MOB3B: variants seen among roughly 807,000 people sequenced by gnomAD.
MOB3B encodes the protein MOB kinase activator-like 2B.
Under a neutral mutation model 18.7 loss-of-function variants are expected in MOB3B, and 7 were observed. That is an observed-to-expected ratio of 0.37 (90% CI 0.21 to 0.70). The LOEUF is 0.70. Among genes scored for constraint, MOB3B ranks in the 30% least tolerant of loss-of-function variants. The probability of loss-of-function intolerance (pLI) is 0.52; values close to 1 mark genes in which losing one functional copy is unlikely to be tolerated. For missense variants in MOB3B, 253 were observed against 281.3 expected, an observed-to-expected ratio of 0.90 and a Z score of 0.72; for synonymous variants, 111 against 99.9, an observed-to-expected ratio of 1.11 and a Z score of -0.66.
intron 3 of MOB3B, among the ~76,000 whole-genome samples, chr9:27,331,686 C>T (rs932738688): frequency 4.6e-5 from 7 of 152,222 alleles, no homozygotes; most frequent in Non-Finnish European, 7.3e-5. Flanking sequence ...TGCCATTTAG[C>T]ATCTTGAGAA....
At chr9:27,424,633 C>T (rs1185538542) in intron 2 of MOB3B, among the ~76,000 whole-genome samples, 1 of 152,202 alleles carries the variant, frequency 6.6e-6, no homozygotes, top group Non-Finnish European at 1.5e-5. Context: ...AACATGACTT[C>T]TGCCCAATCC....
intron 2 of MOB3B, among the ~76,000 whole-genome samples, chr9:27,376,875 G>A (rs1821497169): frequency 6.6e-6 from 1 of 152,196 alleles, no homozygotes; most frequent in African/African-American, 2.4e-5. Context: ...CAAATTTTAA[G>A]AACCACAGGC....
At chr9:27,333,107 CAG>C (rs1159050479) in intron 3 of MOB3B, among the ~76,000 whole-genome samples, 2 of 151,962 alleles carry the variant, frequency 1.3e-5, no homozygotes, top group Non-Finnish European at 2.9e-5. Context: ...AGAAATATGG[CAG>C]AGTTTTTTTT....
At chr9:27,338,164 C>T (rs533359211) in intron 3 of MOB3B, among the ~76,000 whole-genome samples, 3 of 152,280 alleles carry the variant, frequency 2.0e-5, no homozygotes, top group Admixed American at 6.5e-5. Flanking sequence ...ATCTGCTTCC[C>T]GCCCCTGTCT....
At chr9:27,519,668 T>G (rs1286331064) in intron 1 of MOB3B, among the ~76,000 whole-genome samples, 5 of 152,184 alleles carry the variant, frequency 3.3e-5, no homozygotes, top group Admixed American at 2.6e-4. Flanking sequence ...GAGCATGACA[T>G]GAGGCTGAGC....
In MOB3B at chr9:27,439,858, C is replaced by A. The variant is rs572728320; in HGVS notation, c.418+15275G>T. 3.6e-3 allele frequency among the ~76,000 whole-genome samples: 555 copies of A among 152,170 alleles called. 1 individual carries two copies. Among genetic ancestry groups the A allele is most frequent in the Middle Eastern group, 6.8e-3 (2 of 294 alleles). ...CCTTTATAAGCTGTGACCTGTGCAA[C>A]ATTTGTAACCTCTCCGAGGCTCAGT... is the stretch of plus-strand genomic sequence containing the variant. On this transcript the variant is annotated intron_variant, in intron 2 of 3. Coordinates refer to ENST00000262244, the MANE Select transcript of MOB3B (RefSeq NM_024761.5).
At chr9:27,506,677 C>T (rs1402706189) in intron 1 of MOB3B, among the ~76,000 whole-genome samples, 2 of 151,626 alleles carry the variant, frequency 1.3e-5, no homozygotes, top group Non-Finnish European at 2.9e-5. Context: ...ATTACAGGCA[C>T]CCGCCACCAC....
intron 2 of MOB3B, among the ~76,000 whole-genome samples, chr9:27,406,273 G>T (rs2131397327): frequency 6.6e-6 from 1 of 152,266 alleles, no homozygotes; most frequent in Non-Finnish European, 1.5e-5. Flanking sequence ...ATTTTTGTAT[G>T]CCAACAGTGA....
intron 3 of MOB3B, among the ~76,000 whole-genome samples, chr9:27,347,463 G>T (rs1821043925): frequency 6.6e-6 from 1 of 152,282 alleles, no homozygotes; most frequent in African/African-American, 2.4e-5. Flanking sequence ...ACTGGGGTTT[G>T]CATAATGGGT....
intron 1 of MOB3B, among the ~76,000 whole-genome samples, chr9:27,493,411 C>T (rs2589049): frequency 0.25 from 37,617 of 151,990 alleles, 4,835 homozygotes; most frequent in East Asian, 0.34. Context: ...GAGGCCGAGA[C>T]GGGAGGATCA....
chr9:27,448,744 C>G (rs1391103862), intron 2 of MOB3B, among the ~76,000 whole-genome samples: 1 of 152,134 alleles, frequency 6.6e-6, no homozygotes, highest in Non-Finnish European at 1.5e-5. Context: ...GCCTTCCCAA[C>G]TGGTAAATTC....
intron 2 of MOB3B, among the ~76,000 whole-genome samples, chr9:27,364,101 G>C (rs191192809): frequency 1.3e-5 from 2 of 152,174 alleles, no homozygotes; most frequent in African/African-American, 4.8e-5. Context: ...CTCAAAAAAT[G>C]TTTGTTTTAA....
chr9:27,364,087 G>A (rs377271152), intron 2 of MOB3B, among the ~76,000 whole-genome samples: 1 of 152,166 alleles, frequency 6.6e-6, no homozygotes, highest in Non-Finnish European at 1.5e-5. Flanking sequence ...GCTTGTGGAA[G>A]GAGCTCAAAA....
intron 3 of MOB3B, among the ~76,000 whole-genome samples, chr9:27,349,185 T>C (rs770068766): frequency 5.9e-5 from 9 of 152,242 alleles, no homozygotes; most frequent in Non-Finnish European, 1.0e-4. Context: ...CAGTACCACA[T>C]TATAGCTTAA....
At chr9:27,491,485 G>A (rs139395435) in intron 1 of MOB3B, among the ~76,000 whole-genome samples, 1,736 of 151,990 alleles carry the variant, frequency 0.011, 37 homozygotes, top group African/African-American at 0.039. Flanking sequence ...TCCAAAAAAT[G>A]GTCAAACTTT....
intron 2 of MOB3B, among the ~76,000 whole-genome samples, chr9:27,454,911 C>T (rs1277125908): frequency 6.6e-6 from 1 of 152,120 alleles, no homozygotes; most frequent in East Asian, 1.9e-4. Context: ...CAGTGTTCCC[C>T]AGCATGTGGT....
chr9:27,464,233 G>A (rs964565662), intron 1 of MOB3B, among the ~76,000 whole-genome samples: 9 of 152,250 alleles, frequency 5.9e-5, no homozygotes, highest in African/African-American at 7.2e-5. Flanking sequence ...TGGGGGGCAC[G>A]GTGGCAATGG....
chr9:27,464,798 G>C (rs577515685), intron 1 of MOB3B, among the ~76,000 whole-genome samples: 37 of 151,976 alleles, frequency 2.4e-4, no homozygotes, highest in African/African-American at 8.9e-4. Context: ...GAAAAATGAG[G>C]AAGAAGCAAA....
intron 1 of MOB3B, among the ~76,000 whole-genome samples, chr9:27,463,988 A>C (rs1026223826): frequency 6.6e-6 from 1 of 152,096 alleles, no homozygotes; most frequent in Non-Finnish European, 1.5e-5. Context: ...AATAATAAGG[A>C]TAACGGTTAA....
Sources: gnomAD v4.1 joint callset for allele counts (sites outside exome capture counted in the v4.1 genomes callset) on GRCh38, gnomAD v4.1.1 for gene constraint, MANE v1.5 for transcripts, NCBI Gene and HGNC (gene_info 2026-07-23, HGNC 2026-07-21) for gene names.